Variants in ATXN7L1 observed in about 807,000 individuals in gnomAD.
The protein encoded by ATXN7L1 is ataxin-7-like protein 1.
A neutral mutation model predicts 70.8 loss-of-function variants in ATXN7L1; 15 were observed. The ratio of observed to expected loss-of-function variants is 0.21; its 90% CI spans 0.14 to 0.33. The LOEUF (loss-of-function observed/expected upper bound fraction) is 0.33, where lower values mean the gene tolerates loss of function less well. Ranked by LOEUF, ATXN7L1 falls within the 10% of genes least tolerant of loss-of-function variation. ATXN7L1 has a pLI of 1.00. For missense variants in ATXN7L1, 975 were observed against 1,097.1 expected (o/e 0.89, Z 1.57); for synonymous variants, 440 against 445.1 (o/e 0.99, Z 0.14).
intron 3 of ATXN7L1, among the ~76,000 whole-genome samples, chr7:105,683,652 G>A (rs540479772): frequency 2.0e-5 from 3 of 152,196 alleles, no homozygotes; most frequent in African/African-American, 7.2e-5. Context: ...TCCAGCCTGG[G>A]TGACAGAGCG....
intron 3 of ATXN7L1, among the ~76,000 whole-genome samples, chr7:105,713,523 C>T (rs537751975): frequency 4.6e-5 from 7 of 152,322 alleles, no homozygotes; most frequent in South Asian, 2.1e-4. Flanking sequence ...ACTTTCCAAA[C>T]GATGTGGGTC....
intron 7 of ATXN7L1, among the ~76,000 whole-genome samples, chr7:105,632,562 G>A (rs1796746745): frequency 6.6e-6 from 1 of 152,196 alleles, no homozygotes. Context: ...CATCCCAGAA[G>A]AGGATAAGTA....
At chr7:105,851,441 T>TGCCA (rs1225135425) in intron 2 of ATXN7L1, among the ~76,000 whole-genome samples, 1 of 12,174 alleles carries the variant, frequency 8.2e-5, no homozygotes, top group African/African-American at 1.1e-3. Context: ...TCTGTATCTC[T>TGCCA]GTCAGTCTAT....
chr7:105,867,625 A>G (rs561005400), intron 2 of ATXN7L1, among the ~76,000 whole-genome samples: 1 of 152,370 alleles, frequency 6.6e-6, no homozygotes, highest in East Asian at 1.9e-4. Flanking sequence ...AATGTAGCTC[A>G]GCGCCAGGGG....
At chr7:105,775,588 T>G (rs1230781242) in intron 3 of ATXN7L1, among the ~76,000 whole-genome samples, 2 of 152,076 alleles carry the variant, frequency 1.3e-5, no homozygotes, top group Non-Finnish European at 1.5e-5. Flanking sequence ...GGTTCTAGTG[T>G]CAGGGTGGGA....
intron 2 of ATXN7L1, among the ~76,000 whole-genome samples, chr7:105,798,843 A>T (rs534246282): frequency 6.6e-6 from 1 of 152,346 alleles, no homozygotes; most frequent in Admixed American, 6.5e-5. Context: ...GGATGAAAAA[A>T]AGATAGGAAT....
chr7:105,630,788 C>T (rs940500241), intron 7 of ATXN7L1, among the ~76,000 whole-genome samples: 2 of 151,758 alleles, frequency 1.3e-5, no homozygotes, highest in East Asian at 1.9e-4. Flanking sequence ...TTGATAGTGG[C>T]GGAGGGAGGC....
At chr7:105,844,055 T>C (rs1158122593) in intron 2 of ATXN7L1, among the ~76,000 whole-genome samples, 1 of 152,184 alleles carries the variant, frequency 6.6e-6, no homozygotes, top group African/African-American at 2.4e-5. Context: ...GCGAGGGATG[T>C]TGACTGGAGG....
At chr7:105,622,514 A>G (rs767422881) in intron 8 of ATXN7L1, among the ~76,000 whole-genome samples, 2 of 152,204 alleles carry the variant, frequency 1.3e-5, no homozygotes, top group East Asian at 1.9e-4. Flanking sequence ...CTGGTTGCCA[A>G]CCTCACCAAC....
At chr7:105,814,053 C>T (rs918271665) in intron 2 of ATXN7L1, among the ~76,000 whole-genome samples, 2 of 152,298 alleles carry the variant, frequency 1.3e-5, no homozygotes, top group East Asian at 3.9e-4. Flanking sequence ...CCAGAGGAGA[C>T]GTCGTCCTCA....
chr7:105,860,837 G>A (rs1435764656), intron 2 of ATXN7L1, among the ~76,000 whole-genome samples: 2 of 152,204 alleles, frequency 1.3e-5, no homozygotes, highest in Non-Finnish European at 2.9e-5. Flanking sequence ...GGAAAGAAAA[G>A]GGGATGATAT....
chr7:105,651,313 C>A (rs566812615), intron 4 of ATXN7L1, among the ~76,000 whole-genome samples: 3 of 152,164 alleles, frequency 2.0e-5, no homozygotes, highest in Non-Finnish European at 2.9e-5. Context: ...GTAGTAGATA[C>A]CAAGTGCTTA....
chr7:105,843,877 C>T (rs1285302852), intron 2 of ATXN7L1, among the ~76,000 whole-genome samples: 2 of 152,192 alleles, frequency 1.3e-5, no homozygotes, highest in Admixed American at 6.5e-5. Flanking sequence ...TGGTTTAAAA[C>T]CACAATTTGT....
At chr7:105,682,700 T>C (rs371933173) in intron 3 of ATXN7L1, among the ~76,000 whole-genome samples, 4 of 152,290 alleles carry the variant, frequency 2.6e-5, no homozygotes, top group East Asian at 1.9e-4. Flanking sequence ...ATATATATAG[T>C]ATGATTCCAT....
chr7:105,685,296 G>C (rs759046778), intron 3 of ATXN7L1, among the ~76,000 whole-genome samples: 7 of 152,252 alleles, frequency 4.6e-5, no homozygotes, highest in Middle Eastern at 3.4e-3. Context: ...GCATGTAAAA[G>C]AGGTTTCAAA....
chr7:105,708,230 A>T (rs1793426899), intron 3 of ATXN7L1, among the ~76,000 whole-genome samples: 1 of 152,076 alleles, frequency 6.6e-6, no homozygotes, highest in Non-Finnish European at 1.5e-5. Flanking sequence ...GAATCACAGA[A>T]CCTCATGCAA....
intron 9 of ATXN7L1, among the ~76,000 whole-genome samples, chr7:105,615,106 T>A (rs1793677955): frequency 6.6e-6 from 1 of 152,124 alleles, no homozygotes; most frequent in African/African-American, 2.4e-5. Flanking sequence ...AAAAGGTCAA[T>A]GTTATTTAGA....
At chr7:105,733,841 CCCATCCATCCATCCATCCAT>C (rs74665862) in intron 3 of ATXN7L1, among the ~76,000 whole-genome samples, 23 of 52,938 alleles carry the variant, frequency 4.3e-4, no homozygotes, top group Admixed American at 3.0e-3. Flanking sequence ...CATCCGTCCA[CCCATCCATCCATCCATCCAT>C]CCATCCATCC....
At position 105,838,240 on chromosome 7, in the gene ATXN7L1, T is replaced by G. The variant is rs568480168; in HGVS notation, c.250+37572A>C. Among the ~76,000 whole-genome samples, 3 of 152,204 alleles carry G rather than the reference T, an allele frequency of 2.0e-5. No individual in the cohort carries two copies. The East Asian group carries it at 5.8e-4, about 29-fold the overall frequency. ...AGGCTGGTGGTCTGCCTGTCGTTCT[T>G]TCTTTTTTTGGTGGAAAATCAGAAG... On this transcript the variant is annotated intron_variant, in intron 2 of 11. Transcript: ENST00000419735.
Sources: gnomAD v4.1 joint callset for allele counts (sites outside exome capture counted in the v4.1 genomes callset) on GRCh38, gnomAD v4.1.1 for gene constraint, MANE v1.5 for transcripts, NCBI Gene and HGNC (gene_info 2026-07-23, HGNC 2026-07-21) for gene names.